The following EDIL3 variants were observed in gnomAD, a reference collection of about 807,000 sequenced individuals.
EDIL3 encodes the protein EGF like and discoidin domains 3, also known as EGF-like repeat and discoidin I-like domain-containing protein 3.
A neutral mutation model predicts 67.4 loss-of-function variants in EDIL3; 37 were observed. That is an observed-to-expected ratio of 0.55 (90% CI 0.42 to 0.72). EDIL3 has a LOEUF of 0.72. EDIL3 is among the 30% of genes least tolerant of loss of function. The pLI, the probability that EDIL3 is intolerant of heterozygous loss-of-function variation, is 0.00. For synonymous variants in EDIL3, 195 were observed against 196.3 expected, an observed-to-expected ratio of 0.99 and a Z score of 0.05; for missense variants, 527 against 586.3, an observed-to-expected ratio of 0.90 and a Z score of 1.04.
intron 1 of EDIL3, among the ~76,000 whole-genome samples, chr5:84,277,361 T>A (rs1024529353): frequency 5.9e-5 from 9 of 152,182 alleles, no homozygotes; most frequent in African/African-American, 2.2e-4. Flanking sequence ...GCGGACACCT[T>A]GATCTTGGAC....
chr5:84,258,074 T>C (rs559994303), intron 1 of EDIL3, among the ~76,000 whole-genome samples: 34 of 152,288 alleles, frequency 2.2e-4, no homozygotes, highest in African/African-American at 8.2e-4. Flanking sequence ...GTTTTGATCT[T>C]GGACAAAGTA....
intron 3 of EDIL3, among the ~76,000 whole-genome samples, chr5:84,209,665 C>T (rs761047481): frequency 2.5e-4 from 38 of 151,894 alleles, no homozygotes; most frequent in East Asian, 5.8e-4. Context: ...GACTCTTTCA[C>T]GACAGATGGT....
chr5:84,036,751 T>C (rs914677606), intron 9 of EDIL3, among the ~76,000 whole-genome samples: 1 of 152,188 alleles, frequency 6.6e-6, no homozygotes, highest in Non-Finnish European at 1.5e-5. Flanking sequence ...TTAGAGCTGC[T>C]GAGTTTTAAT....
intron 1 of EDIL3, among the ~76,000 whole-genome samples, chr5:84,359,075 T>C (rs1316253617): frequency 1.3e-5 from 2 of 152,204 alleles, no homozygotes; most frequent in South Asian, 2.1e-4. Context: ...AATATATCAA[T>C]GTTATTACTG....
chr5:84,102,967 A>G (rs1747395111), intron 6 of EDIL3, among the ~76,000 whole-genome samples: 1 of 152,152 alleles, frequency 6.6e-6, no homozygotes, highest in African/African-American at 2.4e-5. Flanking sequence ...TTCAAACTAT[A>G]CTATAGGGCT....
At chr5:84,367,087 T>A (rs768273831) in intron 1 of EDIL3, among the ~76,000 whole-genome samples, 14 of 152,214 alleles carry the variant, frequency 9.2e-5, no homozygotes, top group African/African-American at 3.4e-4. Flanking sequence ...AATTATATCA[T>A]AGCATTTAGT....
chr5:84,196,648 C>T (rs541193945), intron 3 of EDIL3, among the ~76,000 whole-genome samples: 2 of 151,928 alleles, frequency 1.3e-5, no homozygotes, highest in East Asian at 3.9e-4. Flanking sequence ...ATGATGCATC[C>T]AATACATCTT....
rs575226911 is a variant in EDIL3, at chr5:83,981,100, A to T, written c.1138-17740T>A. Reference sequence around the variant, plus strand: ...CTACAGGTTCAACATATCCCTAACAAAATCTCAACTGGCTTCTTTGCAGAA... The same window carrying T: ...CTACAGGTTCAACATATCCCTAACATAATCTCAACTGGCTTCTTTGCAGAA... On this transcript the variant is annotated intron_variant, in intron 9 of 10. Transcript: ENST00000296591. Among the ~76,000 whole-genome samples the T allele has an allele frequency of 3.1e-4, 47 of 152,226 alleles. No individual in the cohort carries two copies. The South Asian group carries it at 9.5e-3, about 31-fold the overall frequency.
chr5:84,329,331 T>C (rs1746826067), intron 1 of EDIL3, among the ~76,000 whole-genome samples: 1 of 152,150 alleles, frequency 6.6e-6, no homozygotes, highest in South Asian at 2.1e-4. Context: ...TGTGTGCTGA[T>C]ATTTTTCTGT....
At chr5:84,261,202 TTAGA>T (rs1221976802) in intron 1 of EDIL3, among the ~76,000 whole-genome samples, 2 of 152,160 alleles carry the variant, frequency 1.3e-5, no homozygotes, top group Non-Finnish European at 2.9e-5. Context: ...CTAGTTAAAA[TTAGA>T]TAAAGTTCAT....
At chr5:84,051,059 C>T (rs187797421) in intron 9 of EDIL3, among the ~76,000 whole-genome samples, 1 of 152,250 alleles carries the variant, frequency 6.6e-6, no homozygotes, top group African/African-American at 2.4e-5. Context: ...TGGGAGGCAC[C>T]CCCCAGTAGG....
intron 1 of EDIL3, among the ~76,000 whole-genome samples, chr5:84,316,462 A>C (rs1561254984): frequency 6.6e-6 from 1 of 152,216 alleles, no homozygotes; most frequent in African/African-American, 2.4e-5. Flanking sequence ...TTGCAATCCT[A>C]GTCTCTGATA....
intron 2 of EDIL3, among the ~76,000 whole-genome samples, chr5:84,251,980 C>A (rs1005170294): frequency 6.6e-6 from 1 of 152,054 alleles, no homozygotes; most frequent in Non-Finnish European, 1.5e-5. Context: ...TATCCAATTT[C>A]TGAATATCAG....
At chr5:84,034,905 T>G (rs1350654548) in intron 9 of EDIL3, among the ~76,000 whole-genome samples, 1 of 152,186 alleles carries the variant, frequency 6.6e-6, no homozygotes, top group Non-Finnish European at 1.5e-5. Flanking sequence ...TCTCACGGTA[T>G]AAATCCTGTA....
At position 83,950,487 on chromosome 5, in the gene EDIL3, C is replaced by T. The variant is rs138463884; in HGVS notation, c.1294-6919G>A. Among the ~76,000 whole-genome samples the T allele has an allele frequency of 8.7e-3, 1,325 of 151,926 alleles. 13 individuals carry two copies. Among genetic ancestry groups the T allele is most frequent in the Non-Finnish European group, 0.015 (998 of 67,844 alleles). ...CAACTTCCCCAACATCATGCGCCAGCGTGTGACAGACATTCAGGCTTTAAA... is the reference window on the plus strand; with the variant it reads ...CAACTTCCCCAACATCATGCGCCAGTGTGTGACAGACATTCAGGCTTTAAA... On this transcript the variant is annotated intron_variant, in intron 10 of 10. Coordinates refer to ENST00000296591, the MANE Select transcript of EDIL3 (RefSeq NM_005711.5).
intron 1 of EDIL3, among the ~76,000 whole-genome samples, chr5:84,301,373 T>C (rs7448329): frequency 0.41 from 62,547 of 151,908 alleles, 13,116 homozygotes; most frequent in South Asian, 0.49. Context: ...TGAATTCAAC[T>C]GCATGTACTA....
At chr5:84,104,267 T>C (rs1448124032) in intron 6 of EDIL3, among the ~76,000 whole-genome samples, 1 of 151,700 alleles carries the variant, frequency 6.6e-6, no homozygotes, top group Non-Finnish European at 1.5e-5. Flanking sequence ...CTAGGAAATA[T>C]AACTAATGGA....
chr5:84,351,514 C>G (rs1025676759), intron 1 of EDIL3, among the ~76,000 whole-genome samples: 3 of 152,178 alleles, frequency 2.0e-5, no homozygotes, highest in Non-Finnish European at 4.4e-5. Flanking sequence ...AGCTAGGTGG[C>G]CCTGAGAAAG....
chr5:83,958,298 A>G (rs1744550001), intron 10 of EDIL3, among the ~76,000 whole-genome samples: 1 of 151,554 alleles, frequency 6.6e-6, no homozygotes, highest in Admixed American at 6.6e-5. Context: ...CAGGGCCCAG[A>G]AATATGTATT....
Sources: gnomAD v4.1 joint callset for allele counts (sites outside exome capture counted in the v4.1 genomes callset) on GRCh38, gnomAD v4.1.1 for gene constraint, MANE v1.5 for transcripts, NCBI Gene and HGNC (gene_info 2026-07-23, HGNC 2026-07-21) for gene names.